The following SORCS2 variants were observed in gnomAD, a reference collection of about 807,000 sequenced individuals.
SORCS2 encodes VPS10 domain-containing receptor SorCS2.
In SORCS2, 100 loss-of-function variants were observed where a neutral mutation model predicts 141.6. The ratio of observed to expected loss-of-function variants is 0.71; its 90% CI spans 0.60 to 0.83. The LOEUF (loss-of-function observed/expected upper bound fraction) is 0.83. SORCS2 is among the 40% of genes least tolerant of loss of function. The pLI, the probability that SORCS2 is intolerant of heterozygous loss-of-function variation, is 0.00. For missense variants in SORCS2, 1,646 were observed against 1,560.2 expected (o/e 1.05, Z -0.93); for synonymous variants, 789 against 676.9 (o/e 1.17, Z -2.57).
At chr4:7,704,638 C>A (rs955918069) in intron 14 of SORCS2, among the ~76,000 whole-genome samples, 1 of 152,230 alleles carries the variant, frequency 6.6e-6, no homozygotes, top group Non-Finnish European at 1.5e-5. Flanking sequence ...GGCTGCAGCA[C>A]TGGCCCTGCC....
chr4:7,696,308 C>T (rs960121372), intron 11 of SORCS2, among the ~76,000 whole-genome samples: 32 of 152,180 alleles, frequency 2.1e-4, no homozygotes, highest in Non-Finnish European at 3.5e-4. Context: ...CCTGTCTCTG[C>T]CACAGCCATT....
At chr4:7,303,784 G>A (rs376735641) in intron 1 of SORCS2, among the ~76,000 whole-genome samples, 62 of 152,362 alleles carry the variant, frequency 4.1e-4, no homozygotes, top group African/African-American at 1.3e-3. Flanking sequence ...AAGTCAGAGC[G>A]CAGGACGCAG....
chr4:7,357,209 C>G (rs1048834617), intron 1 of SORCS2, among the ~76,000 whole-genome samples: 8 of 152,136 alleles, frequency 5.3e-5, no homozygotes, highest in Non-Finnish European at 1.0e-4. Flanking sequence ...GATGCCTGCC[C>G]CGGGGACTCG....
chr4:7,354,697 T>A (rs1721144266), intron 1 of SORCS2, among the ~76,000 whole-genome samples: 1 of 151,380 alleles, frequency 6.6e-6, no homozygotes, highest in Non-Finnish European at 1.5e-5. Context: ...GGTGGAAAAG[T>A]GAGAGAGAGA....
intron 2 of SORCS2, among the ~76,000 whole-genome samples, chr4:7,470,689 A>G (rs981359149): frequency 6.6e-6 from 1 of 152,186 alleles, no homozygotes; most frequent in African/African-American, 2.4e-5. Context: ...GGCTCGGAGG[A>G]AAAACAGTGG....
intron 25 of SORCS2, among the ~76,000 whole-genome samples, chr4:7,736,554 G>A (rs886420610): frequency 5.9e-5 from 9 of 152,166 alleles, no homozygotes; most frequent in South Asian, 2.1e-4. Context: ...GTCCTGAGCC[G>A]GGTCCCAGTG....
At chr4:7,432,499 T>G (rs1342288983) in intron 2 of SORCS2, 1 of 152,104 alleles carries the variant, frequency 6.6e-6, no homozygotes, top group African/African-American at 2.4e-5. Context: ...TTCACCGTCT[T>G]TGCCCTCGCT....
At chr4:7,390,710 C>T (rs1723804765) in intron 1 of SORCS2, among the ~76,000 whole-genome samples, 1 of 152,130 alleles carries the variant, frequency 6.6e-6, no homozygotes, top group East Asian at 1.9e-4. Flanking sequence ...AACCTGACCC[C>T]CGGATTATGG....
intron 3 of SORCS2, among the ~76,000 whole-genome samples, chr4:7,634,128 C>T (rs1459692965): frequency 6.7e-6 from 1 of 150,288 alleles, no homozygotes; most frequent in Non-Finnish European, 1.5e-5. Flanking sequence ...AATCCTAGCA[C>T]TTTGGGAGGC....
intron 1 of SORCS2, among the ~76,000 whole-genome samples, chr4:7,200,884 C>G (rs1164229508): frequency 6.6e-6 from 1 of 152,158 alleles, no homozygotes; most frequent in Admixed American, 6.5e-5. Context: ...CTAAGAGTGT[C>G]GACCTCACTT....
At chr4:7,498,394 T>C (rs1382588458) in intron 2 of SORCS2, among the ~76,000 whole-genome samples, 4 of 152,168 alleles carry the variant, frequency 2.6e-5, no homozygotes, top group African/African-American at 4.8e-5. Flanking sequence ...TTAAATTACA[T>C]AGAGAACAGT....
At chr4:7,207,462 T>G (rs1727811158) in intron 1 of SORCS2, among the ~76,000 whole-genome samples, 1 of 152,192 alleles carries the variant, frequency 6.6e-6, no homozygotes, top group Non-Finnish European at 1.5e-5. Context: ...GCCAGACAAT[T>G]CAGGCTCCTG....
At chr4:7,661,418 G>A (rs779003580) in intron 5 of SORCS2, 82 bp from the exon 6 acceptor site, 6 of 1,461,364 alleles carry the variant, frequency 4.1e-6, no homozygotes, top group Non-Finnish European at 5.6e-6. Context: ...GAGGCCACGT[G>A]GCTGCAGGGA....
chr4:7,655,202 T>TACACACACACACACACACACACAC (rs144046004), intron 5 of SORCS2, among the ~76,000 whole-genome samples: 1 of 148,876 alleles, frequency 6.7e-6, no homozygotes, highest in African/African-American at 2.5e-5. Context: ...CTTGTGCGTG[T>TACACACACACACACACACACACAC]ACACACACAC....
intron 3 of SORCS2, among the ~76,000 whole-genome samples, chr4:7,597,955 A>T (rs1426912599): frequency 6.9e-6 from 1 of 144,754 alleles, no homozygotes; most frequent in East Asian, 2.0e-4. Flanking sequence ...ATGACAGTTC[A>T]GCTAATCTTT....
At chr4:7,327,749 C>T (rs1180321613) in intron 1 of SORCS2, among the ~76,000 whole-genome samples, 1 of 152,212 alleles carries the variant, frequency 6.6e-6, no homozygotes, top group Non-Finnish European at 1.5e-5. Context: ...CTGTGGCTTC[C>T]CCAAGAAGCC....
At chr4:7,308,459 C>T (rs1048725861) in intron 1 of SORCS2, among the ~76,000 whole-genome samples, 1 of 152,190 alleles carries the variant, frequency 6.6e-6, no homozygotes, top group Non-Finnish European at 1.5e-5. Flanking sequence ...ACCTGCTCTT[C>T]TTCCGATGCC....
At chr4:7,588,807 A>AAGAG in intron 3 of SORCS2, among the ~76,000 whole-genome samples, 1 of 152,354 alleles carries the variant, frequency 6.6e-6, no homozygotes, top group Middle Eastern at 3.4e-3. Context: ...GTGAATGCTC[A>AAGAG]CATCATGGTA....
At chr4:7,333,331 A>G (rs566870141) in intron 1 of SORCS2, among the ~76,000 whole-genome samples, 2 of 152,294 alleles carry the variant, frequency 1.3e-5, no homozygotes, top group African/African-American at 2.4e-5. Context: ...TAGCTGGCTG[A>G]TGGGACCCAC....
Sources: allele counts gnomAD v4.1 joint callset (sites outside exome capture counted in the v4.1 genomes callset), GRCh38; gene constraint gnomAD v4.1.1; transcripts MANE v1.5; gene names NCBI Gene and HGNC (gene_info 2026-07-23, HGNC 2026-07-21).